TP73: variants seen among roughly 807,000 people sequenced by gnomAD.
The protein encoded by TP73 is p53-like transcription factor.
TP73 carries 25 observed loss-of-function variants against 62.5 expected under a neutral mutation model. The ratio of observed to expected loss-of-function variants is 0.40; its 90% CI spans 0.29 to 0.56. The LOEUF (loss-of-function observed/expected upper bound fraction) is 0.56. TP73 is among the 20% of genes least tolerant of loss of function. The probability of loss-of-function intolerance (pLI) is 0.46; values close to 1 mark genes in which losing one functional copy is unlikely to be tolerated. For missense variants in TP73, 754 were observed against 913.3 expected, an observed-to-expected ratio of 0.83 and a Z score of 2.25; for synonymous variants, 423 against 377.5, an observed-to-expected ratio of 1.12 and a Z score of -1.40.
At chr1:3,702,327 C>A (rs1570517128) in intron 3 of TP73, among the ~76,000 whole-genome samples, 1 of 152,286 alleles carries the variant, frequency 6.6e-6, no homozygotes, top group Non-Finnish European at 1.5e-5. Flanking sequence ...TCTGACCCCT[C>A]ATTTTGGAGC....
At chr1:3,682,157 G>A (rs191289998) in intron 1 of TP73, among the ~76,000 whole-genome samples, 176 bp from the exon 2 acceptor site, 6 of 152,340 alleles carry the variant, frequency 3.9e-5, no homozygotes, top group East Asian at 3.9e-4. Context: ...TTCCAGCCGC[G>A]GGGAACAGGG....
intron 4 of TP73, among the ~76,000 whole-genome samples, chr1:3,712,590 T>A (rs942625349): frequency 7.2e-5 from 11 of 152,146 alleles, no homozygotes; most frequent in African/African-American, 2.4e-4. Context: ...TTCCCTTCCA[T>A]AGGCATGAGA....
rs985454836 is a variant in TP73, at chr1:3,701,205, C to T, written c.187-6344C>T. On this transcript the variant is annotated intron_variant, in intron 3 of 13. Coordinates refer to ENST00000378295, the MANE Select transcript of TP73 (RefSeq NM_005427.4). The surrounding 1 kb of genome is among the most constrained non-coding windows in gnomAD (Gnocchi z 4.7). ...GGAGAGACCCCGACCCCTGTGAGCA[C>T]CTGCCCCCGAGAGCACCTGCTCTTC... Among the ~76,000 whole-genome samples the T allele has an allele frequency of 1.3e-5, 2 of 152,190 alleles. No individual in the cohort carries two copies. The highest frequency in any genetic ancestry group is 2.9e-5 in the Non-Finnish European group (2 of 68,040).
chr1:3,729,557 G>A, intron 10 of TP73, 109 bp downstream of exon 10: 1 of 1,575,962 alleles, frequency 6.3e-7, no homozygotes, highest in Non-Finnish European at 8.6e-7. Flanking sequence ...CATCTGCCAG[G>A]GACAGGCAGC....
chr1:3,706,659 G>A (rs1639680491), intron 3 of TP73, among the ~76,000 whole-genome samples: 1 of 152,162 alleles, frequency 6.6e-6, no homozygotes, highest in Non-Finnish European at 1.5e-5. Flanking sequence ...GGTCTGCCCT[G>A]CCCTGGATCT....
chr1:3,703,228 G>A (rs1639344939), intron 3 of TP73, among the ~76,000 whole-genome samples: 1 of 152,228 alleles, frequency 6.6e-6, no homozygotes, highest in African/African-American at 2.4e-5. Flanking sequence ...AGGGAGAGAG[G>A]TCCCCTGGAA....
At chr1:3,653,016 G>A (rs1345597153) in intron 1 of TP73, among the ~76,000 whole-genome samples, 2 of 151,978 alleles carry the variant, frequency 1.3e-5, no homozygotes, top group Admixed American at 1.3e-4. Flanking sequence ...GGGGTGCGGG[G>A]CGCGGGTGCA....
chr1:3,688,370 T>C (rs1645718948), intron 3 of TP73, among the ~76,000 whole-genome samples: 1 of 152,180 alleles, frequency 6.6e-6, no homozygotes, highest in African/African-American at 2.4e-5. Context: ...GAGTTTGGCC[T>C]TGAACTGACA....
In TP73 at chr1:3,730,168, CGG is replaced by C; in HGVS notation, c.1345+22_1345+23del. On this transcript the variant is annotated intron_variant, in intron 11 of 13. Transcript: ENST00000378295. Reference sequence around the variant, plus strand: ...CCGTGGGTGAGTCCCTTGGGCAGTGCGGGCCCACGGGCAGGGCGGGGAGGCCC... The same window carrying C: ...CCGTGGGTGAGTCCCTTGGGCAGTGCGCCCACGGGCAGGGCGGGGAGGCCC... The C allele has an allele frequency of 6.6e-7, 1 of 1,510,884 alleles. No individual in the cohort carries two copies. The highest frequency in any genetic ancestry group is 2.5e-5 in the East Asian group (1 of 40,226). The allele number at this position is 1,510,884 out of a possible 1,614,324, so 93.6% of individuals were successfully genotyped here. A position where few individuals can be genotyped will look rare whatever the true frequency, so the allele number is the denominator to read the frequency against.
chr1:3,665,031 T>C (rs1364807677), intron 1 of TP73, among the ~76,000 whole-genome samples: 1 of 152,212 alleles, frequency 6.6e-6, no homozygotes, highest in Admixed American at 6.5e-5. Context: ...AAACAGGAGA[T>C]GCAAACTCCA....
intron 4 of TP73, among the ~76,000 whole-genome samples, chr1:3,713,842 C>T (rs574415575): frequency 9.3e-4 from 141 of 152,292 alleles, no homozygotes; most frequent in African/African-American, 3.2e-3. Context: ...CCAGGGGTTA[C>T]GATGGGGCTG....
chr1:3,655,331 G>C (rs1181230479), intron 1 of TP73, among the ~76,000 whole-genome samples: 1 of 152,130 alleles, frequency 6.6e-6, no homozygotes. Flanking sequence ...AGGTTGCAGT[G>C]AGCCGAGATC....
intron 2 of TP73, 37 bp downstream of exon 2, chr1:3,682,467 C>G: frequency 6.9e-7 from 1 of 1,442,548 alleles, no homozygotes; most frequent in Non-Finnish European, 9.3e-7. Context: ...GGGGGCCCCC[C>G]TGGGAGGCAC....
chr1:3,720,771 G>C lies in TP73; in HGVS notation c.430-1250G>C, dbSNP rs76988100. 9.5e-3 allele frequency among the ~76,000 whole-genome samples: 1,442 copies of C among 152,340 alleles called. 22 individuals are homozygous for C. Among genetic ancestry groups the C allele is most frequent in the African/African-American group, 0.033 (1,354 of 41,574 alleles). On this transcript the variant is annotated intron_variant, in intron 4 of 13. Coordinates refer to ENST00000378295, the MANE Select transcript of TP73 (RefSeq NM_005427.4). ...TGATGGCCAGAGAGGCAGTACTGGT[G>C]GCCAGTGGGGGTCAGGGGGTCAGGG...
intron 3 of TP73, among the ~76,000 whole-genome samples, chr1:3,686,736 A>G (rs778142539): frequency 6.6e-6 from 1 of 152,200 alleles, no homozygotes. Context: ...CAGAAAGTCC[A>G]GCAGGCCGAG....
chr1:3,692,024 G>C (rs140282665), intron 3 of TP73, among the ~76,000 whole-genome samples: 1 of 152,168 alleles, frequency 6.6e-6, no homozygotes, highest in East Asian at 1.9e-4. Flanking sequence ...CATGCAATAC[G>C]CAGGCGAGGA....
intron 1 of TP73, among the ~76,000 whole-genome samples, chr1:3,674,813 A>G (rs1645327306): frequency 6.6e-6 from 1 of 152,222 alleles, no homozygotes; most frequent in South Asian, 2.1e-4. Context: ...GACGCCCTGC[A>G]GGAATTCCGC....
chr1:3,726,839 GGGTGGATGGATGGGGTT>G lies in TP73; in HGVS notation c.733-262_733-246del, dbSNP rs1478002123. Among the ~76,000 whole-genome samples the G allele has an allele frequency of 4.4e-3, 666 of 150,474 alleles. 4 individuals carry two copies. Among genetic ancestry groups the G allele is most frequent in the African/African-American group, 6.5e-3 (264 of 40,878 alleles). Reference sequence around the variant, plus strand: ...TGGATGGATGGATGGATAGATGGGTGGGTGGATGGATGGGGTTGGTGGATGGATGGATGGATGGATGG... The same window carrying G: ...TGGATGGATGGATGGATAGATGGGTGGGTGGATGGATGGATGGATGGATGG... On this transcript the variant is annotated intron_variant, in intron 6 of 13. Transcript: ENST00000378295.
intron 1 of TP73, among the ~76,000 whole-genome samples, chr1:3,681,845 CAG>C (rs1459498955): frequency 2.6e-5 from 4 of 151,788 alleles, no homozygotes; most frequent in South Asian, 2.1e-4. Context: ...AACCCAGACA[CAG>C]GGGATCGTAA....
Sources: allele counts gnomAD v4.1 joint callset (sites outside exome capture counted in the v4.1 genomes callset), GRCh38; gene constraint gnomAD v4.1.1; non-coding constraint Gnocchi (gnomAD v3.1); transcripts MANE v1.5; gene names NCBI Gene and HGNC (gene_info 2026-07-23, HGNC 2026-07-21).